HERC2: variants seen among roughly 807,000 people sequenced by gnomAD.
The protein encoded by HERC2 is HECT and RLD domain containing E3 ubiquitin protein ligase 2, also known as E3 ubiquitin-protein ligase HERC2.
HERC2 carries 102 observed loss-of-function variants against 537.7 expected under a neutral mutation model. The observed-to-expected ratio is 0.19, with a 90% CI of 0.16 to 0.22. The LOEUF (loss-of-function observed/expected upper bound fraction) is 0.22. HERC2 is among the 10% of genes least tolerant of loss of function. The pLI is 1.00. For missense variants in HERC2, 4,236 were observed against 6,198.2 expected (o/e 0.68, Z 10.63); for synonymous variants, 2,224 against 2,466.2 (o/e 0.90, Z 2.91).
chr15:28,122,176 A>T lies in HERC2; in HGVS notation c.13189-747T>A, dbSNP rs1027582288. Among the ~76,000 whole-genome samples the T allele has an allele frequency of 5.3e-5, 8 of 152,210 alleles. No homozygotes were observed. The highest frequency in any genetic ancestry group is 1.7e-4 in the African/African-American group (7 of 41,460). ...AATCGGGAGTGCCTGGGGTGAAGAC[A>T]GCAGGGCGTGGCCAAACATCAGCAC... On this transcript the variant is annotated intron_variant, in intron 85 of 92. Coordinates refer to ENST00000261609, the MANE Select transcript of HERC2 (RefSeq NM_004667.6). The surrounding 1 kb of genome is among the most constrained non-coding windows in gnomAD (Gnocchi z 4.1).
In HERC2 at chr15:28,202,361, G is replaced by A; in HGVS notation, c.7466C>T (p.Ala2489Val). ...AAACGAAGTACCAGGCAAGCTGGAT[G>A]CATTCCCGGAAGCACCAGTGAGAGA... ...LKSLTGASGN[A>V]SSLPGVEALV... The change falls in exon 46 of 93, where the codon GCA (alanine) becomes GTA (valine). Residue 2489 changes from alanine (A) to valine (V), a missense_variant. Coordinates refer to ENST00000261609, the MANE Select transcript of HERC2 (RefSeq NM_004667.6). The A allele has an allele frequency of 1.9e-6, 3 of 1,613,944 alleles. No homozygotes were observed. Among genetic ancestry groups the A allele is most frequent in the Non-Finnish European group, 2.5e-6 (3 of 1,179,854 alleles).
chr15:28,211,103 A>G lies in HERC2; in HGVS notation c.6968T>C (p.Leu2323Pro). The change falls in exon 44 of 93, where the codon CTA (leucine) becomes CCA (proline). Residue 2323 changes from leucine to proline, a missense_variant. Coordinates refer to ENST00000261609, the MANE Select transcript of HERC2 (RefSeq NM_004667.6). Reference protein sequence around the residue: ...LDLLRCQQLKLYILKAGRALL... With the variant: ...LDLLRCQQLKPYILKAGRALL... The stretch of plus-strand genomic sequence containing the variant: ...CGCCCGACCTGCTTTCAGGATGTAT[A>G]GCTTCAACTGCTGGCACCGCAGCAG... The G allele has an allele frequency of 6.2e-7, 1 of 1,610,470 alleles. No individual in the cohort carries two copies. The highest frequency in any genetic ancestry group is 8.5e-7 in the Non-Finnish European group (1 of 1,178,586).
chr15:28,192,222 T>C, intron 52 of HERC2, 71 bp from the exon 53 acceptor site: 1 of 1,307,582 alleles, frequency 7.6e-7, no homozygotes. Flanking sequence ...TCAAGAATAT[T>C]ACATAGTAAG....
chr15:28,144,746 C>T lies in HERC2; in HGVS notation c.11067G>A (p.Trp3689Ter). The T allele has an allele frequency of 6.2e-7, 1 of 1,614,222 alleles. No individual in the cohort carries two copies. Among genetic ancestry groups the T allele is most frequent in the Non-Finnish European group, 8.5e-7 (1 of 1,180,040 alleles). Residue 3689 changes from tryptophan (W) to a stop codon, truncating the protein, a stop_gained, in exon 72 of 93, where the codon TGG becomes TGA. Coordinates refer to ENST00000261609, the MANE Select transcript of HERC2 (RefSeq NM_004667.6). LOFTEE classifies it high-confidence loss of function. ...ELRIPGDELKWKFISDGSVNG... is the reference protein window; with the variant it reads ...ELRIPGDELK ...TCACAGACCCATCGCTGATGAACTT[C>T]CACTTTAACTCATCCCCTGGGATGC...
intron 56 of HERC2, among the ~76,000 whole-genome samples, chr15:28,183,218 TG>T (rs570324736): frequency 6.6e-6 from 1 of 152,250 alleles, no homozygotes; most frequent in South Asian, 2.1e-4. Flanking sequence ...ATTTATTTTT[TG>T]TTTGTTTTGA....
In HERC2 at chr15:28,182,529, A is replaced by G. The variant is rs1346417714; in HGVS notation, c.8826-17T>C. Reference sequence around the variant, plus strand: ...CTAATGAGGCTAACCAAACGGAAAAAAAAAAGAAAAAGAAAAGAGAGGTTA... The same window carrying G: ...CTAATGAGGCTAACCAAACGGAAAAGAAAAAGAAAAAGAAAAGAGAGGTTA... On this transcript the variant is annotated splice_polypyrimidine_tract_variant and intron_variant, in intron 56 of 92. Transcript: ENST00000261609. The G allele has an allele frequency of 6.4e-7, 1 of 1,561,460 alleles. No homozygotes were observed. The highest frequency in any genetic ancestry group is 1.4e-5 in the African/African-American group (1 of 72,958).
At chr15:28,165,933 C>A (rs915710770) in intron 68 of HERC2, among the ~76,000 whole-genome samples, 1 of 152,192 alleles carries the variant, frequency 6.6e-6, no homozygotes, top group Non-Finnish European at 1.5e-5. Flanking sequence ...ATGCCCTTCT[C>A]CACCAGAAAG....
chr15:28,123,934 T>G (rs1889197079), intron 85 of HERC2, 103 bp downstream of exon 85: 98 of 897,302 alleles, frequency 1.1e-4, no homozygotes, highest in Non-Finnish European at 1.4e-4. Context: ...ATTTGCTGAA[T>G]GAGCTGTATT....
chr15:28,236,524 CAG>C (rs1902478190), intron 26 of HERC2, among the ~76,000 whole-genome samples: 1 of 151,974 alleles, frequency 6.6e-6, no homozygotes. Context: ...CTCCTGACCT[CAG>C]GTGATCCACC....
intron 55 of HERC2, chr15:28,190,072 G>C (rs1487252688): frequency 6.8e-6 from 1 of 145,988 alleles, no homozygotes; most frequent in Admixed American, 6.9e-5. Context: ...GCAGTGGCAC[G>C]ATCTCGGCTC....
rs548256026 is a variant in HERC2, at chr15:28,238,457, T to G, written c.3748+145A>C. On this transcript the variant is annotated intron_variant, in intron 24 of 92. Coordinates refer to ENST00000261609, the MANE Select transcript of HERC2 (RefSeq NM_004667.6). ...AATTCTTCAAATGTGCTGAATTTGT[T>G]GATAAGACAGACATCGAAGCCACAG... The G allele has an allele frequency of 5.1e-5, 37 of 721,952 alleles. No individual in the cohort carries two copies. In the African/African-American group the frequency reaches 5.4e-4, roughly 11 times the overall value. 44.7% of individuals were successfully genotyped at this position (721,952 alleles called of 1,614,324 possible).
intron 69 of HERC2, 56 bp downstream of exon 69, chr15:28,163,038 G>C: frequency 1.4e-6 from 2 of 1,432,418 alleles, no homozygotes; most frequent in East Asian, 2.3e-5. Flanking sequence ...TGGAGAGGAG[G>C]GTGGCCCAAC....
At chr15:28,153,875 T>C (rs887331168) in intron 69 of HERC2, among the ~76,000 whole-genome samples, 63 of 151,924 alleles carry the variant, frequency 4.1e-4, no homozygotes, top group East Asian at 2.5e-3. Flanking sequence ...CGGAGCCCGG[T>C]GGGAGGGGCG....
At chr15:28,242,438 C>T (rs1903224024) in intron 23 of HERC2, among the ~76,000 whole-genome samples, 1 of 152,194 alleles carries the variant, frequency 6.6e-6, no homozygotes, top group Admixed American at 6.5e-5. Context: ...CCAGTGTTTC[C>T]CTCGACAAAC....
chr15:28,284,919 GAAAAAAAAAAAAAAAAAAAAA>G (rs551327935), intron 4 of HERC2, among the ~76,000 whole-genome samples: 1 of 32,544 alleles, frequency 3.1e-5, no homozygotes, highest in East Asian at 1.0e-3. Context: ...CTCCGTCTCG[GAAAAAAAAAAAAAAAAAAAAA>G]AAAAAAAAAG....
At chr15:28,274,529 C>T (rs2075821517) in intron 6 of HERC2, 82 bp from the exon 7 acceptor site, 8 of 1,430,202 alleles carry the variant, frequency 5.6e-6, no homozygotes, top group African/African-American at 1.4e-5. Context: ...CGAGAGATGA[C>T]GCCACTGTCA....
intron 57 of HERC2, among the ~76,000 whole-genome samples, chr15:28,179,718 G>C (rs1481258021): frequency 1.3e-5 from 2 of 152,190 alleles, no homozygotes; most frequent in Non-Finnish European, 2.9e-5. Context: ...GCTCCTTTGT[G>C]GGGGTGAAAG....
chr15:28,131,264 C>T (rs1481228447), intron 81 of HERC2, among the ~76,000 whole-genome samples: 16 of 152,212 alleles, frequency 1.1e-4, no homozygotes, highest in African/African-American at 3.9e-4. Context: ...CCAGCATCCT[C>T]AGCCTTGGAA....
intron 69 of HERC2, among the ~76,000 whole-genome samples, chr15:28,159,554 A>G (rs917281248): frequency 6.6e-6 from 1 of 152,206 alleles, no homozygotes; most frequent in African/African-American, 2.4e-5. Context: ...TTTGTCACGT[A>G]GTTCTCATGC....
Sources: gnomAD v4.1 joint callset for allele counts (sites outside exome capture counted in the v4.1 genomes callset) on GRCh38, gnomAD v4.1.1 for gene constraint, Gnocchi (gnomAD v3.1) non-coding constraint, MANE v1.5 for transcripts, NCBI Gene and HGNC (gene_info 2026-07-23, HGNC 2026-07-21) for gene names.